NEBL: variants seen among roughly 807,000 people sequenced by gnomAD.
NEBL encodes LIM and SH3 protein 2.
A neutral mutation model predicts 140.2 loss-of-function variants in NEBL; 122 were observed. That is an observed-to-expected ratio of 0.87 (90% CI 0.75 to 1.01). NEBL has a LOEUF of 1.01. Ranked by LOEUF, NEBL falls within the 50% of genes least tolerant of loss-of-function variation. NEBL has a pLI of 0.00. For missense variants in NEBL, 1,365 were observed against 1,231.3 expected, an observed-to-expected ratio of 1.11 and a Z score of -1.62; for synonymous variants, 436 against 398.9, an observed-to-expected ratio of 1.09 and a Z score of -1.11.
intron 2 of NEBL, among the ~76,000 whole-genome samples, chr10:21,124,344 C>T (rs73607598): frequency 1.4e-3 from 216 of 152,284 alleles, no homozygotes; most frequent in African/African-American, 4.3e-3. Context: ...AATGCAGGAA[C>T]GAAAAGAAAT....
At chr10:21,028,283 A>AG in intron 2 of NEBL, among the ~76,000 whole-genome samples, 1 of 151,004 alleles carries the variant, frequency 6.6e-6, no homozygotes, top group East Asian at 2.0e-4. Context: ...AAGAATGAGA[A>AG]ATAAAACATT....
At position 20,815,734 on chromosome 10, in the gene NEBL, C is replaced by G. The variant is rs750555294; in HGVS notation, c.2149-17G>C. The G allele has an allele frequency of 6.7e-7, 1 of 1,488,640 alleles. No individual in the cohort carries two copies. Among genetic ancestry groups the G allele is most frequent in the African/African-American group, 1.4e-5 (1 of 72,488 alleles). 92.2% of individuals were successfully genotyped at this position (1,488,640 alleles called of 1,614,324 possible). A position where few individuals can be genotyped will look rare whatever the true frequency, so the allele number is the denominator to read the frequency against. ...GTAATAAACCTATCATTTCAGAGAA[C>G]AAAAAATAGAATACTATGAATCAAT... On this transcript the variant is annotated splice_polypyrimidine_tract_variant and intron_variant, in intron 21 of 27. Coordinates refer to ENST00000377122, the MANE Select transcript of NEBL (RefSeq NM_006393.3).
chr10:20,942,034 A>T (rs961171557), intron 4 of NEBL, among the ~76,000 whole-genome samples: 3 of 152,254 alleles, frequency 2.0e-5, no homozygotes, highest in African/African-American at 7.2e-5. Flanking sequence ...TGTAGATTCA[A>T]TGCCATCCCC....
intron 3 of NEBL, among the ~76,000 whole-genome samples, chr10:21,000,612 G>A (rs1837854996): frequency 6.6e-6 from 1 of 151,994 alleles, no homozygotes; most frequent in South Asian, 2.1e-4. Flanking sequence ...AAATCAAGTG[G>A]GTAAGAATTT....
At chr10:20,886,439 G>T (rs1360753419) in intron 4 of NEBL, among the ~76,000 whole-genome samples, 4 of 152,154 alleles carry the variant, frequency 2.6e-5, no homozygotes, top group African/African-American at 9.7e-5. Flanking sequence ...TGAGGCATGA[G>T]AATAACTTGA....
chr10:21,155,532 G>A (rs554227416), intron 2 of NEBL, among the ~76,000 whole-genome samples: 1 of 152,114 alleles, frequency 6.6e-6, no homozygotes, highest in Non-Finnish European at 1.5e-5. Context: ...ATAACATACA[G>A]TGTTTCTCTT....
At chr10:20,881,010 T>C (rs1845968030) in intron 4 of NEBL, 106 bp from the exon 5 acceptor site, 3 of 813,538 alleles carry the variant, frequency 3.7e-6, no homozygotes, top group South Asian at 1.4e-5. Flanking sequence ...CCACCACTGA[T>C]AGTTAATTTG....
intron 4 of NEBL, among the ~76,000 whole-genome samples, chr10:20,906,414 T>C (rs976823496): frequency 1.3e-5 from 2 of 152,150 alleles, no homozygotes; most frequent in Non-Finnish European, 2.9e-5. Flanking sequence ...AACACTAATT[T>C]ATGAGCCTTA....
chr10:21,180,616 C>A (rs1398018050), intron 3 of NEBL, among the ~76,000 whole-genome samples: 1 of 152,092 alleles, frequency 6.6e-6, no homozygotes, highest in East Asian at 1.9e-4. Flanking sequence ...AGAGCAACTC[C>A]ATTAGTAGCA....
chr10:20,958,600 A>T (rs181618168), intron 4 of NEBL, among the ~76,000 whole-genome samples: 1 of 152,338 alleles, frequency 6.6e-6, no homozygotes, highest in East Asian at 1.9e-4. Context: ...ATTCAATGAG[A>T]TGAAGACATC....
intron 2 of NEBL, among the ~76,000 whole-genome samples, chr10:21,153,768 C>G (rs1424508049): frequency 4.6e-5 from 7 of 152,142 alleles, no homozygotes; most frequent in African/African-American, 4.8e-5. Flanking sequence ...CCCTCCTCAG[C>G]CTCCCAAAGT....
upstream of NEBL, among the ~76,000 whole-genome samples, chr10:20,901,489 C>T (rs909952282): frequency 6.6e-6 from 1 of 152,004 alleles, no homozygotes; most frequent in Non-Finnish European, 1.5e-5. Flanking sequence ...AATGATAGAA[C>T]ATGTACTTTT....
intron 2 of NEBL, among the ~76,000 whole-genome samples, chr10:21,249,925 G>C (rs12762123): frequency 0.19 from 29,110 of 151,924 alleles, 3,199 homozygotes; most frequent in African/African-American, 0.29. Flanking sequence ...TTGACTGGGT[G>C]TGGTGGTACA....
intron 4 of NEBL, among the ~76,000 whole-genome samples, chr10:20,921,916 A>T (rs4748735): frequency 0.66 from 100,662 of 152,100 alleles, 33,553 homozygotes; most frequent in Admixed American, 0.68. Flanking sequence ...AGTACATATA[A>T]AAATATGTGT....
At chr10:20,897,339 A>G, upstream of NEBL, 1 of 1,477,644 alleles carries the variant, frequency 6.8e-7, no homozygotes, top group South Asian at 1.4e-5. Context: ...AGCCCTATTT[A>G]GCCCACACTT....
chr10:21,262,434 T>C (rs2132281786), intron 1 of NEBL, among the ~76,000 whole-genome samples: 1 of 152,318 alleles, frequency 6.6e-6, no homozygotes, highest in South Asian at 2.1e-4. Flanking sequence ...CCCACGCCTG[T>C]TCCCTATGGG....
intron 11 of NEBL, among the ~76,000 whole-genome samples, chr10:20,848,510 C>T (rs572620582): frequency 1.7e-4 from 26 of 152,298 alleles, no homozygotes; most frequent in African/African-American, 4.8e-4. Context: ...GTTAGCAACC[C>T]GGTAACAAAG....
Position 21,173,849 on chromosome 10 carries a change from G to GGGC in NEBL, c.-19_-17dup, listed in dbSNP as rs769094570. On this transcript the variant is annotated 5_prime_UTR_variant, in exon 1 of 7. Coordinates refer to the NEBL transcript ENST00000417816. This position sits in a 1 kb window ranked among gnomAD's most constrained non-coding sequence, Gnocchi z 5.7. Reference sequence around the variant, plus strand: ...GGGGGTTCATGATCGCGGTTCCCGGGGGCGGCGGCGGCGGCGGCTGCTGGC... The same window carrying GGGC: ...GGGGGTTCATGATCGCGGTTCCCGGGGGCGGCGGCGGCGGCGGCGGCTGCTGGC... The GGGC allele has an allele frequency of 1.6e-4, 254 of 1,609,090 alleles. No individual in the cohort carries two copies. Among genetic ancestry groups the GGGC allele is most frequent in the Middle Eastern group, 3.3e-4 (2 of 6,050 alleles).
At chr10:20,852,093 T>C (rs923547670) in intron 10 of NEBL, among the ~76,000 whole-genome samples, 6 of 152,222 alleles carry the variant, frequency 3.9e-5, no homozygotes, top group Admixed American at 6.5e-5. Context: ...GAATTTCATA[T>C]TGGAAAAAAA....
Sources: gnomAD v4.1 joint callset for allele counts (sites outside exome capture counted in the v4.1 genomes callset) on GRCh38, gnomAD v4.1.1 for gene constraint, Gnocchi (gnomAD v3.1) non-coding constraint, MANE v1.5 for transcripts, NCBI Gene and HGNC (gene_info 2026-07-23, HGNC 2026-07-21) for gene names.